Variants in USP15 observed in about 807,000 individuals in gnomAD.
USP15 encodes the protein ubiquitin specific peptidase 15, also known as ubiquitin carboxyl-terminal hydrolase 15.
USP15 carries 18 observed loss-of-function variants against 127.1 expected under a neutral mutation model. The ratio of observed to expected loss-of-function variants is 0.14; its 90% confidence interval spans 0.10 to 0.21. The LOEUF is 0.21. Among genes scored for constraint, USP15 ranks in the 10% least tolerant of loss-of-function variants. The pLI, the probability that USP15 is intolerant of heterozygous loss-of-function variation, is 1.00. For missense variants in USP15, 805 were observed against 1,159.9 expected (o/e 0.69, Z 4.44); for synonymous variants, 364 against 393.7 (o/e 0.92, Z 0.89).
At position 62,404,236 on chromosome 12, in the gene USP15, T is replaced by A. The variant is rs201938247; in HGVS notation, c.2807T>A (p.Phe936Tyr). 6.2e-7 allele frequency: 1 copy of A among 1,613,314 alleles called. No individual in the cohort carries two copies. The highest frequency in any genetic ancestry group is 8.5e-7 in the Non-Finnish European group (1 of 1,179,404). The change falls in exon 22 of 22, where the codon TTC becomes TAC. Residue 936 changes from phenylalanine (F) to tyrosine (Y), a missense_variant. This residue lies in a region of USP15 where 116 missense variants were observed against 157.2 expected (regional missense o/e 0.74). Coordinates refer to ENST00000280377, the MANE Select transcript of USP15 (RefSeq NM_001252078.2). ...YVLFYQRQDT[F>Y]SGTGFFPLDR... ...CTCTTCTACCAGAGACAAGACACTT[T>A]CAGTGGAACTGGCTTTTTTCCTCTT...
intron 3 of USP15, among the ~76,000 whole-genome samples, chr12:62,310,021 A>G (rs1450607200): frequency 1.3e-5 from 2 of 151,972 alleles, no homozygotes; most frequent in Non-Finnish European, 2.9e-5. Flanking sequence ...CAAGACTGTC[A>G]GTGTTTTTAG....
In USP15 at chr12:62,404,501, C is replaced by G. The variant is rs1028359645; in HGVS notation, c.*126C>G. The G allele has an allele frequency of 7.5e-7, 1 of 1,337,584 alleles. No individual in the cohort carries two copies. Among genetic ancestry groups the G allele is most frequent in the African/African-American group, 1.5e-5 (1 of 67,068 alleles). The allele number at this position is 1,337,584 out of a possible 1,614,324, so 82.9% of individuals were successfully genotyped here. ...AGTTTCAGATAACCGAATGTAAATCCTTTATCAGATTTTAACTTGTGCAGT... is the reference window on the plus strand; with the variant it reads ...AGTTTCAGATAACCGAATGTAAATCGTTTATCAGATTTTAACTTGTGCAGT... On this transcript the variant is annotated 3_prime_UTR_variant, in exon 22 of 22. Coordinates refer to ENST00000280377, the MANE Select transcript of USP15 (RefSeq NM_001252078.2).
chr12:62,388,826 G>A (rs1466964988), intron 11 of USP15, among the ~76,000 whole-genome samples: 15 of 152,154 alleles, frequency 9.9e-5, no homozygotes, highest in Admixed American at 5.9e-4. Flanking sequence ...ACAGTAACCC[G>A]AGTTTAAGAT....
chr12:62,351,009 T>TA (rs2065951970), intron 7 of USP15, among the ~76,000 whole-genome samples: 3 of 152,150 alleles, frequency 2.0e-5, no homozygotes, highest in Admixed American at 2.0e-4. Context: ...TGCTTTCCCT[T>TA]ACCTCAGTCA....
intron 19 of USP15, among the ~76,000 whole-genome samples, chr12:62,395,398 A>G (rs2067454747): frequency 1.3e-5 from 2 of 151,972 alleles, no homozygotes; most frequent in South Asian, 2.1e-4. Context: ...TAGTAGGTGT[A>G]TATATTTGTG....
intron 8 of USP15, among the ~76,000 whole-genome samples, chr12:62,380,713 G>T (rs1005592142): frequency 6.6e-6 from 1 of 151,990 alleles, no homozygotes; most frequent in Non-Finnish European, 1.5e-5. Context: ...TACTGGGTTT[G>T]TATTGAGGTC....
chr12:62,352,416 G>A (rs1471912255), intron 7 of USP15, among the ~76,000 whole-genome samples: 1 of 151,908 alleles, frequency 6.6e-6, no homozygotes, highest in East Asian at 1.9e-4. Flanking sequence ...CTGTCAGATT[G>A]TCTTTCTGGT....
At chr12:62,262,359 C>T (rs936330080) in intron 1 of USP15, among the ~76,000 whole-genome samples, 3 of 152,260 alleles carry the variant, frequency 2.0e-5, no homozygotes, top group African/African-American at 7.2e-5. Context: ...AATAAGTCCC[C>T]GCTGGCTATT....
intron 1 of USP15, among the ~76,000 whole-genome samples, chr12:62,284,397 T>C (rs192265937): frequency 2.6e-5 from 4 of 152,340 alleles, no homozygotes; most frequent in Middle Eastern, 3.4e-3. Flanking sequence ...GGGCTTTCAA[T>C]TGCATAATCT....
At chr12:62,378,520 T>C (rs1311511834) in intron 8 of USP15, among the ~76,000 whole-genome samples, 1 of 152,210 alleles carries the variant, frequency 6.6e-6, no homozygotes, top group Non-Finnish European at 1.5e-5. Flanking sequence ...ACAGGCAAAT[T>C]ATCATTAAAA....
chr12:62,345,614 A>G (rs2065792076), intron 6 of USP15, among the ~76,000 whole-genome samples: 1 of 152,080 alleles, frequency 6.6e-6, no homozygotes, highest in South Asian at 2.1e-4. Flanking sequence ...TATCTTTTCA[A>G]CAACACCCCA....
chr12:62,392,339 G>A lies in USP15; in HGVS notation c.2372G>A (p.Cys791Tyr). 6.2e-7 allele frequency: 1 copy of A among 1,606,904 alleles called. No homozygotes were observed. The highest frequency in any genetic ancestry group is 8.5e-7 in the Non-Finnish European group (1 of 1,177,686). ...AAACCCTTTGTGAAATTAAAAGATTGCATTGAACTTTTTACAACAAAAGAA... is the reference window on the plus strand; with the variant it reads ...AAACCCTTTGTGAAATTAAAAGATTACATTGAACTTTTTACAACAAAAGAA... ...PKKPFVKLKD[C>Y]IELFTTKEKL... The change falls in exon 18 of 22, where the codon TGC becomes TAC. Residue 791 changes from cysteine (C) to tyrosine (Y), a missense_variant. Around this residue, in one of 11 missense-constraint regions of USP15, gnomAD observed 24 missense variants for 71.5 expected, o/e 0.34. Transcript: ENST00000280377.
intron 21 of USP15, 148 bp from the exon 22 acceptor site, chr12:62,404,045 G>A: frequency 1.0e-6 from 1 of 989,892 alleles, no homozygotes; most frequent in Non-Finnish European, 1.4e-6. Flanking sequence ...TATATTTAAT[G>A]AATTTTAGTA....
intron 6 of USP15, chr12:62,336,179 C>T: frequency 1.0e-6 from 1 of 985,394 alleles, no homozygotes; most frequent in Non-Finnish European, 1.2e-6. Context: ...TTAGGTGATT[C>T]TATGCTAATC....
At chr12:62,296,722 G>T (rs1013581872) in intron 2 of USP15, among the ~76,000 whole-genome samples, 6 of 152,122 alleles carry the variant, frequency 3.9e-5, no homozygotes, top group African/African-American at 1.4e-4. Flanking sequence ...CCAAAACTGA[G>T]AACAACAACA....
chr12:62,400,619 A>C (rs2067655326), intron 20 of USP15, among the ~76,000 whole-genome samples: 1 of 151,946 alleles, frequency 6.6e-6, no homozygotes, highest in Admixed American at 6.6e-5. Flanking sequence ...GTGTTAAAAA[A>C]AAAAAAAAAC....
chr12:62,365,954 A>G (rs529183498), intron 8 of USP15, among the ~76,000 whole-genome samples: 1 of 152,320 alleles, frequency 6.6e-6, no homozygotes, highest in African/African-American at 2.4e-5. Context: ...TGGCTACTGT[A>G]GCCTTGTAGT....
At chr12:62,294,101 A>G (rs554314331) in intron 1 of USP15, 78 bp from the exon 2 acceptor site, 2 of 1,462,212 alleles carry the variant, frequency 1.4e-6, no homozygotes, top group East Asian at 2.3e-5. Context: ...ATAAAAGGAA[A>G]TATCAAAAAA....
At chr12:62,264,446 G>C (rs1186023473) in intron 1 of USP15, among the ~76,000 whole-genome samples, 1 of 152,180 alleles carries the variant, frequency 6.6e-6, no homozygotes, top group East Asian at 1.9e-4. Flanking sequence ...GTGGTAATGT[G>C]TAGTTAACTT....
Sources: allele counts gnomAD v4.1 joint callset (sites outside exome capture counted in the v4.1 genomes callset), GRCh38; gene constraint gnomAD v4.1.1; regional missense constraint gnomAD v4.1.1; transcripts MANE v1.5; gene names NCBI Gene and HGNC (gene_info 2026-07-23, HGNC 2026-07-21).